The following HTR1F variants were observed in gnomAD, a reference collection of about 807,000 sequenced individuals.
HTR1F encodes the protein 5-hydroxytryptamine (serotonin) receptor 1F, G protein-coupled.
In HTR1F, 17 loss-of-function variants were observed where a neutral mutation model predicts 24.0. The observed-to-expected ratio is 0.71, with a 90% CI of 0.48 to 1.06. The LOEUF (loss-of-function observed/expected upper bound fraction) is 1.06. Among genes scored for constraint, HTR1F ranks in the 50% least tolerant of loss-of-function variants. The pLI is 0.00. For synonymous variants in HTR1F, 186 were observed against 156.8 expected, an observed-to-expected ratio of 1.19 and a Z score of -1.39; for missense variants, 391 against 427.8, an observed-to-expected ratio of 0.91 and a Z score of 0.76.
chr3:87,934,795 T>A (rs1704371649), intron 2 of HTR1F, among the ~76,000 whole-genome samples: 1 of 152,190 alleles, frequency 6.6e-6, no homozygotes, highest in Admixed American at 6.5e-5. Flanking sequence ...GCAATTTACC[T>A]CACAGCCTAA....
intron 2 of HTR1F, among the ~76,000 whole-genome samples, chr3:87,901,721 A>T (rs1277843435): frequency 1.3e-5 from 2 of 152,118 alleles, no homozygotes; most frequent in Non-Finnish European, 2.9e-5. Flanking sequence ...TGAAAAAAAA[A>T]TGGTCTCTAC....
chr3:87,918,848 A>T (rs1247953635), intron 2 of HTR1F, among the ~76,000 whole-genome samples: 1 of 152,062 alleles, frequency 6.6e-6, no homozygotes, highest in African/African-American at 2.4e-5. Flanking sequence ...TACCACCATC[A>T]TTCTTCACAG....
chr3:87,990,842 T>C lies in HTR1F; in HGVS notation c.93T>C (p.Ser31=), dbSNP rs775737701. ...PSKILVSLTL[S]GLALMTTTIN... ...AAATTCTGGTGTCCCTCACTCTGTC[T>C]GGGCTGGCACTGATGACAACAACTA... Residue 31 remains serine (S), a synonymous_variant, in exon 3 of 3, where the codon TCT becomes TCC. Coordinates refer to ENST00000319595, the MANE Select transcript of HTR1F (RefSeq NM_001322209.2). The C allele has an allele frequency of 4.3e-6, 7 of 1,614,206 alleles. 1 individual carries two copies. In the South Asian group the frequency reaches 4.4e-5, roughly 10 times the overall value.
chr3:87,799,294 G>T (rs1007988233), intron 1 of HTR1F, among the ~76,000 whole-genome samples: 1 of 152,014 alleles, frequency 6.6e-6, no homozygotes, highest in Admixed American at 6.6e-5. Flanking sequence ...TATCCAAGTC[G>T]TTATACATAC....
intron 2 of HTR1F, among the ~76,000 whole-genome samples, chr3:87,933,908 T>C (rs1222505295): frequency 1.3e-5 from 2 of 152,184 alleles, no homozygotes; most frequent in Non-Finnish European, 2.9e-5. Context: ...CAGCCTATAA[T>C]GAGAAGATAA....
intron 2 of HTR1F, among the ~76,000 whole-genome samples, chr3:87,922,571 T>C (rs1704033448): frequency 6.6e-6 from 1 of 151,954 alleles, no homozygotes; most frequent in Admixed American, 6.6e-5. Context: ...TAAGATCTTA[T>C]TTATAAAATT....
chr3:87,842,083 A>C (rs1335504287), intron 2 of HTR1F, among the ~76,000 whole-genome samples: 4 of 151,848 alleles, frequency 2.6e-5, no homozygotes, highest in African/African-American at 9.7e-5. Flanking sequence ...TTAAGGTTAC[A>C]TTGTATACTT....
chr3:87,849,247 TA>T (rs1705022136), intron 2 of HTR1F, among the ~76,000 whole-genome samples: 1 of 151,824 alleles, frequency 6.6e-6, no homozygotes, highest in African/African-American at 2.4e-5. Context: ...ATGGTACTGG[TA>T]CCAAAACAGA....
intron 2 of HTR1F, among the ~76,000 whole-genome samples, chr3:87,985,597 C>T (rs185733206): frequency 7.9e-4 from 121 of 152,254 alleles, no homozygotes; most frequent in Middle Eastern, 6.8e-3. Context: ...ATGGAAAGCA[C>T]TTAGTACATT....
chr3:87,794,431 G>T lies in HTR1F; in HGVS notation c.-160+1589G>T, dbSNP rs751397033. 6.6e-5 allele frequency among the ~76,000 whole-genome samples: 10 copies of T among 152,254 alleles called. No individual in the cohort carries two copies. The South Asian group carries it at 1.2e-3, about 19-fold the overall frequency. On this transcript the variant is annotated intron_variant, in intron 1 of 2. Transcript: ENST00000319595. ...AATCAAAAGGGGTTTTCTAAGCTTT[G>T]GGAGAGGTGGTTCAATAAAGGAACA...
intron 2 of HTR1F, among the ~76,000 whole-genome samples, chr3:87,880,257 T>C (rs368514408): frequency 3.2e-4 from 49 of 152,242 alleles, no homozygotes; most frequent in African/African-American, 1.1e-3. Flanking sequence ...GGTGTGGTTT[T>C]CAGTTGTATA....
At chr3:87,923,551 G>A (rs1286965659) in intron 2 of HTR1F, among the ~76,000 whole-genome samples, 1 of 151,596 alleles carries the variant, frequency 6.6e-6, no homozygotes, top group Non-Finnish European at 1.5e-5. Flanking sequence ...GTGGTTTCTA[G>A]AAATGTTACT....
At chr3:87,820,946 A>T (rs1704348021) in intron 1 of HTR1F, among the ~76,000 whole-genome samples, 1 of 152,128 alleles carries the variant, frequency 6.6e-6, no homozygotes, top group African/African-American at 2.4e-5. Context: ...AGTATTCTTG[A>T]ATATGTCAAA....
intron 2 of HTR1F, among the ~76,000 whole-genome samples, chr3:87,928,657 T>G (rs1228403588): frequency 6.6e-6 from 1 of 152,184 alleles, no homozygotes; most frequent in Non-Finnish European, 1.5e-5. Context: ...TTCCGCAGCT[T>G]TTGATTCTCC....
chr3:87,964,014 T>TTTCCTTGCA (rs941084138), intron 2 of HTR1F, among the ~76,000 whole-genome samples: 5 of 152,260 alleles, frequency 3.3e-5, no homozygotes, highest in African/African-American at 9.6e-5. Flanking sequence ...CCAAGCCAGC[T>TTTCCTTGCA]TTCCTTGCAT....
intron 2 of HTR1F, among the ~76,000 whole-genome samples, chr3:87,847,274 T>C (rs1300766097): frequency 1.3e-5 from 2 of 151,894 alleles, no homozygotes; most frequent in East Asian, 3.8e-4. Flanking sequence ...ATGGGTTAAT[T>C]GTCACAAATT....
rs544196498 is a variant in HTR1F at position 87,877,514 on chromosome 3, TTAAG to T, written c.-43+55392_-43+55395del. Among the ~76,000 whole-genome samples the T allele has an allele frequency of 1.5e-3, 227 of 152,280 alleles. 1 individual carries two copies. The highest frequency in any genetic ancestry group is 5.2e-3 in the African/African-American group (217 of 41,568). On this transcript the variant is annotated intron_variant, in intron 2 of 2. Coordinates refer to ENST00000319595, the MANE Select transcript of HTR1F (RefSeq NM_001322209.2). Reference sequence around the variant, plus strand: ...ATTTTTATGTAAAAGTTAATGATGATTAAGTTATTACAATGTGCTAAGCACTTTA... The same window carrying T: ...ATTTTTATGTAAAAGTTAATGATGATTTATTACAATGTGCTAAGCACTTTA...
At position 87,991,713 on chromosome 3, in the gene HTR1F, T is replaced by C. The variant is rs1485978669; in HGVS notation, c.964T>C (p.Cys322Arg). 3 of 1,613,952 alleles carry C rather than the reference T, an allele frequency of 1.9e-6. No individual in the cohort carries two copies. Among genetic ancestry groups the C allele is most frequent in the Non-Finnish European group, 2.5e-6 (3 of 1,179,914 alleles). The change falls in exon 3 of 3, where the codon TGT becomes CGT. Residue 322 changes from cysteine to arginine, a missense_variant. Transcript: ENST00000319595. ...KELVVNVCDKCKISEEMSNFL... is the reference protein window; with the variant it reads ...KELVVNVCDKRKISEEMSNFL... ...ATTAGTTGTTAATGTCTGTGACAAA[T>C]GTAAAATTTCTGAAGAAATGTCCAA...
At chr3:87,896,998 A>C (rs1261570481) in intron 2 of HTR1F, among the ~76,000 whole-genome samples, 3 of 152,038 alleles carry the variant, frequency 2.0e-5, no homozygotes, top group East Asian at 3.8e-4. Flanking sequence ...AAATAATATG[A>C]ATGTTCCTCA....
Sources: allele counts gnomAD v4.1 joint callset (sites outside exome capture counted in the v4.1 genomes callset), GRCh38; gene constraint gnomAD v4.1.1; transcripts MANE v1.5; gene names NCBI Gene and HGNC (gene_info 2026-07-23, HGNC 2026-07-21).